The following C1QTNF7 variants were observed in gnomAD, a reference collection of about 807,000 sequenced individuals.
C1QTNF7 encodes C1q and TNF related 7.
A neutral mutation model predicts 19.6 loss-of-function variants in C1QTNF7; 15 were observed. That is an observed-to-expected ratio of 0.76 (90% CI 0.51 to 1.18). The LOEUF (loss-of-function observed/expected upper bound fraction) is 1.18, where lower values mean the gene tolerates loss of function less well. C1QTNF7 is among the 50% of genes most tolerant of loss of function. The probability of loss-of-function intolerance (pLI) is 0.00; values close to 1 mark genes in which losing one functional copy is unlikely to be tolerated. For missense variants in C1QTNF7, 324 were observed against 359.7 expected (o/e 0.90, Z 0.80); for synonymous variants, 142 against 137.5 (o/e 1.03, Z -0.23).
Position 15,362,102 on chromosome 4 carries a change from G to A in C1QTNF7, c.13+21895G>A, listed in dbSNP as rs1000483184. 1.1e-4 allele frequency among the ~76,000 whole-genome samples: 17 copies of A among 152,200 alleles called. 1 individual carries two copies. Among genetic ancestry groups the A allele is most frequent in the African/African-American group, 3.9e-4 (16 of 41,532 alleles). ...CTATTCCCCAGTTTTCTCTAAAATGGGGGTAAACATAGTACCTACACCTCG... is the reference window on the plus strand; with the variant it reads ...CTATTCCCCAGTTTTCTCTAAAATGAGGGTAAACATAGTACCTACACCTCG... On this transcript the variant is annotated intron_variant, in intron 1 of 2. Transcript: ENST00000295297.
intron 1 of C1QTNF7, among the ~76,000 whole-genome samples, chr4:15,434,270 A>T (rs916724454): frequency 6.6e-6 from 1 of 152,168 alleles, no homozygotes; most frequent in African/African-American, 2.4e-5. Context: ...TCTAGGAATC[A>T]GCTTACTTCA....
chr4:15,377,429 T>C (rs1036765718), intron 1 of C1QTNF7, among the ~76,000 whole-genome samples: 2 of 152,232 alleles, frequency 1.3e-5, no homozygotes, highest in Admixed American at 1.3e-4. Context: ...GGTAGGCTTT[T>C]CATGGCAAAT....
intron 1 of C1QTNF7, among the ~76,000 whole-genome samples, chr4:15,383,398 C>G (rs538058256): frequency 6.6e-6 from 1 of 152,286 alleles, no homozygotes; most frequent in South Asian, 2.1e-4. Context: ...CCTAGAAATG[C>G]CCTCCTGAAA....
intron 1 of C1QTNF7, among the ~76,000 whole-genome samples, chr4:15,415,529 T>C (rs1368487253): frequency 6.6e-6 from 1 of 152,052 alleles, no homozygotes; most frequent in African/African-American, 2.4e-5. Context: ...GAAATAAAAT[T>C]AGAAAATACA....
At chr4:15,340,174 G>A in exon 1 of C1QTNF7, 1 of 1,551,546 alleles carries the variant, frequency 6.4e-7, no homozygotes, top group Non-Finnish European at 8.7e-7. Context: ...TCATGTTTTG[G>A]GGGAAAGTTT....
intron 1 of C1QTNF7, among the ~76,000 whole-genome samples, chr4:15,352,374 T>C (rs1716970950): frequency 6.6e-6 from 1 of 152,166 alleles, no homozygotes; most frequent in East Asian, 1.9e-4. Flanking sequence ...GATTCAAGCC[T>C]GGGTCTATAT....
At chr4:15,360,112 G>T (rs4336218) in intron 1 of C1QTNF7, among the ~76,000 whole-genome samples, 74,067 of 151,928 alleles carry the variant, frequency 0.49, 19,872 homozygotes, top group African/African-American at 0.71. Context: ...TCTATCCACA[G>T]AAAAGGCCTT....
At chr4:15,347,928 C>T (rs1366704776) in intron 1 of C1QTNF7, among the ~76,000 whole-genome samples, 2 of 152,086 alleles carry the variant, frequency 1.3e-5, no homozygotes, top group Admixed American at 6.6e-5. Context: ...CAGTTCCAGC[C>T]CTAGCCCTTC....
rs899986874 is a variant in C1QTNF7 at position 15,445,493 on chromosome 4, T to C, written c.*2694T>C. The C allele has an allele frequency of 2.0e-5, 3 of 152,230 alleles. No individual in the cohort carries two copies. The highest frequency in any genetic ancestry group is 7.2e-5 in the African/African-American group (3 of 41,466). 9.4% of individuals were successfully genotyped at this position (152,230 alleles called of 1,614,324 possible). On this transcript the variant is annotated 3_prime_UTR_variant, in exon 3 of 3. Coordinates refer to ENST00000444304, the MANE Select transcript of C1QTNF7 (RefSeq NM_031911.5). Reference sequence around the variant, plus strand: ...CTTTTATTACAAAGCCTATTTTGAGTAGCTTTTAAAACTGAATTTCCTTTA... The same window carrying C: ...CTTTTATTACAAAGCCTATTTTGAGCAGCTTTTAAAACTGAATTTCCTTTA...
intron 1 of C1QTNF7, among the ~76,000 whole-genome samples, chr4:15,366,249 C>A (rs1163719336): frequency 2.0e-5 from 3 of 152,206 alleles, no homozygotes; most frequent in Admixed American, 2.0e-4. Flanking sequence ...TTAGACTGAA[C>A]TATCCCAGTT....
intron 1 of C1QTNF7, among the ~76,000 whole-genome samples, chr4:15,389,718 C>A (rs1371152710): frequency 6.6e-6 from 1 of 152,112 alleles, no homozygotes; most frequent in East Asian, 1.9e-4. Flanking sequence ...CTCACCCAGC[C>A]CAAAATGAGA....
chr4:15,441,534 C>A (rs757242316), intron 2 of C1QTNF7, among the ~76,000 whole-genome samples: 1 of 152,152 alleles, frequency 6.6e-6, no homozygotes, highest in Non-Finnish European at 1.5e-5. Flanking sequence ...TATCATCATG[C>A]TCATTGAAGG....
At chr4:15,399,519 T>A (rs563239545) in intron 1 of C1QTNF7, among the ~76,000 whole-genome samples, 1 of 152,304 alleles carries the variant, frequency 6.6e-6, no homozygotes, top group Admixed American at 6.5e-5. Context: ...TTTCCTCCAG[T>A]TAGAATGGGG....
chr4:15,397,639 A>C (rs980154951), intron 1 of C1QTNF7, among the ~76,000 whole-genome samples: 1 of 152,230 alleles, frequency 6.6e-6, no homozygotes, highest in Admixed American at 6.5e-5. Flanking sequence ...AGGGACTTAA[A>C]GTCTCAAAGA....
intron 1 of C1QTNF7, among the ~76,000 whole-genome samples, chr4:15,433,382 C>T (rs1209860908): frequency 1.3e-5 from 2 of 151,952 alleles, no homozygotes; most frequent in Admixed American, 1.3e-4. Context: ...CAAAATGGGC[C>T]CTGCACGCTC....
chr4:15,401,035 A>C (rs1047062381), intron 1 of C1QTNF7, among the ~76,000 whole-genome samples: 1 of 152,330 alleles, frequency 6.6e-6, no homozygotes, highest in South Asian at 2.1e-4. Context: ...CAAGTGTCTT[A>C]GAGGAGGGCA....
intron 1 of C1QTNF7, among the ~76,000 whole-genome samples, chr4:15,381,103 T>C (rs1040032635): frequency 1.3e-5 from 2 of 152,146 alleles, no homozygotes; most frequent in East Asian, 3.9e-4. Flanking sequence ...AAACATTTAC[T>C]AGCTGTATCT....
At chr4:15,368,753 G>A (rs557205349) in intron 1 of C1QTNF7, among the ~76,000 whole-genome samples, 40 of 152,318 alleles carry the variant, frequency 2.6e-4, no homozygotes, top group African/African-American at 7.5e-4. Flanking sequence ...ATAAACATAC[G>A]TGTGCATGTG....
intron 1 of C1QTNF7, chr4:15,374,867 C>CT (rs1367433400): frequency 2.0e-5 from 12 of 588,136 alleles, no homozygotes; most frequent in Non-Finnish European, 2.2e-5. Context: ...CTCTCTCTCT[C>CT]TCTCTTTTTT....
Sources: gnomAD v4.1 joint callset for allele counts (sites outside exome capture counted in the v4.1 genomes callset) on GRCh38, gnomAD v4.1.1 for gene constraint, MANE v1.5 for transcripts, NCBI Gene and HGNC (gene_info 2026-07-23, HGNC 2026-07-21) for gene names.